Variants in FBXL17 observed in about 807,000 individuals in gnomAD.
The protein encoded by FBXL17 is F-box/LRR-repeat protein 17.
Under a neutral mutation model 66.2 loss-of-function variants are expected in FBXL17, and 22 were observed. That is an observed-to-expected ratio of 0.33 (90% CI 0.24 to 0.47). The LOEUF (loss-of-function observed/expected upper bound fraction) is 0.47. FBXL17 is among the 20% of genes least tolerant of loss of function. FBXL17 has a pLI of 1.00. For missense variants in FBXL17, 878 were observed against 948.2 expected, an observed-to-expected ratio of 0.93 and a Z score of 0.97; for synonymous variants, 474 against 400.5, an observed-to-expected ratio of 1.18 and a Z score of -2.19.
At chr5:107,893,344 T>C (rs114648238) in intron 7 of FBXL17, among the ~76,000 whole-genome samples, 108 of 152,168 alleles carry the variant, frequency 7.1e-4, no homozygotes, top group African/African-American at 2.6e-3. Context: ...CATACACAAA[T>C]ATACACACAC....
intron 6 of FBXL17, among the ~76,000 whole-genome samples, chr5:108,057,016 A>G (rs1433081156): frequency 6.6e-6 from 1 of 152,246 alleles, no homozygotes; most frequent in African/African-American, 2.4e-5. Context: ...TCAAAAGAAT[A>G]GAGATTTAAC....
intron 4 of FBXL17, among the ~76,000 whole-genome samples, chr5:108,294,065 A>G (rs1311355944): frequency 1.3e-5 from 2 of 149,342 alleles, no homozygotes; most frequent in African/African-American, 4.9e-5. Flanking sequence ...AAAAAAAAAA[A>G]AGGAGAAGTA....
intron 7 of FBXL17, among the ~76,000 whole-genome samples, chr5:107,929,615 A>G (rs1158913005): frequency 6.6e-6 from 1 of 152,140 alleles, no homozygotes; most frequent in African/African-American, 2.4e-5. Context: ...TTGGTGTAAA[A>G]GGCAAAAATT....
chr5:108,033,721 A>G (rs1746730053), intron 6 of FBXL17, among the ~76,000 whole-genome samples: 1 of 152,152 alleles, frequency 6.6e-6, no homozygotes, highest in Non-Finnish European at 1.5e-5. Flanking sequence ...TTATATTCCT[A>G]CCAACACACA....
chr5:108,034,035 T>C (rs190105543), intron 6 of FBXL17, among the ~76,000 whole-genome samples: 1 of 152,092 alleles, frequency 6.6e-6, no homozygotes, highest in East Asian at 1.9e-4. Context: ...GTAAACCCCA[T>C]GCAATAGCTT....
At chr5:108,127,421 A>G (rs1750765244) in intron 6 of FBXL17, among the ~76,000 whole-genome samples, 1 of 152,214 alleles carries the variant, frequency 6.6e-6, no homozygotes, top group South Asian at 2.1e-4. Context: ...TATTCCCTTT[A>G]TGAAATTACC....
chr5:108,260,029 A>G (rs907119438), intron 4 of FBXL17, among the ~76,000 whole-genome samples: 9 of 149,338 alleles, frequency 6.0e-5, no homozygotes, highest in African/African-American at 2.0e-4. Flanking sequence ...CTTAAAAAAA[A>G]AAAACAAAAA....
intron 6 of FBXL17, among the ~76,000 whole-genome samples, chr5:108,063,774 A>C (rs1299604815): frequency 6.6e-6 from 1 of 152,188 alleles, no homozygotes; most frequent in Non-Finnish European, 1.5e-5. Flanking sequence ...TTTTAAAATG[A>C]TATCAATACA....
At chr5:108,156,234 TA>T (rs1283754265) in intron 6 of FBXL17, among the ~76,000 whole-genome samples, 2 of 152,106 alleles carry the variant, frequency 1.3e-5, no homozygotes, top group Non-Finnish European at 2.9e-5. Context: ...GTTATTTATT[TA>T]CTTTTTTGTG....
chr5:108,315,723 C>G (rs1336877575), intron 4 of FBXL17, among the ~76,000 whole-genome samples: 1 of 151,274 alleles, frequency 6.6e-6, no homozygotes, highest in African/African-American at 2.4e-5. Flanking sequence ...AATTCCCAAA[C>G]AAAACAACTG....
intron 6 of FBXL17, among the ~76,000 whole-genome samples, chr5:108,061,819 G>A (rs1747936083): frequency 6.6e-6 from 1 of 151,184 alleles, no homozygotes; most frequent in Non-Finnish European, 1.5e-5. Context: ...GACTTTTGTT[G>A]TTACAGGTTT....
In FBXL17 at chr5:108,130,456, A is replaced by G. The variant is rs115699071; in HGVS notation, c.1745+55661T>C. Among the ~76,000 whole-genome samples, 1,016 of 152,092 alleles carry G rather than the reference A, an allele frequency of 6.7e-3. 3 individuals carry two copies. Among genetic ancestry groups the G allele is most frequent in the Admixed American group, 0.01 (155 of 15,278 alleles). On this transcript the variant is annotated intron_variant, in intron 6 of 8. Coordinates refer to ENST00000542267, the MANE Select transcript of FBXL17 (RefSeq NM_001163315.3). ...AATGATTACTACGCCTTTGAATAAG[A>G]TGTCAGGGGCTGTTATTATATACAA... is the stretch of plus-strand genomic sequence containing the variant.
chr5:108,056,125 T>G (rs544447281), intron 6 of FBXL17, among the ~76,000 whole-genome samples: 6 of 152,356 alleles, frequency 3.9e-5, no homozygotes, highest in African/African-American at 1.4e-4. Flanking sequence ...ATATTCCTAT[T>G]AATTCTTTTA....
At chr5:108,304,218 C>T (rs1017223664) in intron 4 of FBXL17, among the ~76,000 whole-genome samples, 3 of 151,838 alleles carry the variant, frequency 2.0e-5, no homozygotes, top group African/African-American at 7.3e-5. Context: ...TATCTACTAC[C>T]GTATAATTCT....
intron 4 of FBXL17, among the ~76,000 whole-genome samples, chr5:108,262,282 T>A (rs1756869799): frequency 6.6e-6 from 1 of 151,724 alleles, no homozygotes; most frequent in Non-Finnish European, 1.5e-5. Context: ...TTTCACCATG[T>A]TAGCCAGGAT....
chr5:108,039,667 G>A (rs139578184), intron 6 of FBXL17, among the ~76,000 whole-genome samples: 1 of 151,990 alleles, frequency 6.6e-6, no homozygotes, highest in Admixed American at 6.6e-5. Context: ...TATATAACTG[G>A]ATATCAGCTC....
chr5:107,995,316 C>T (rs1267649651), intron 7 of FBXL17, among the ~76,000 whole-genome samples: 2 of 152,054 alleles, frequency 1.3e-5, no homozygotes, highest in East Asian at 3.8e-4. Context: ...CCTATTTAAC[C>T]TGATTTATTT....
chr5:108,060,791 C>T (rs1747889598), intron 6 of FBXL17, among the ~76,000 whole-genome samples: 1 of 152,024 alleles, frequency 6.6e-6, no homozygotes, highest in Non-Finnish European at 1.5e-5. Context: ...CCTTTCACTG[C>T]CACCTCCATA....
intron 6 of FBXL17, among the ~76,000 whole-genome samples, chr5:108,105,132 C>T (rs1175875244): frequency 2.0e-5 from 3 of 152,204 alleles, no homozygotes; most frequent in Non-Finnish European, 4.4e-5. Context: ...TGAGCCACCA[C>T]ACCTGGCCGT....
Sources: gnomAD v4.1 joint callset for allele counts (sites outside exome capture counted in the v4.1 genomes callset) on GRCh38, gnomAD v4.1.1 for gene constraint, MANE v1.5 for transcripts, NCBI Gene and HGNC (gene_info 2026-07-23, HGNC 2026-07-21) for gene names.